DNAH11: variants seen among roughly 807,000 people sequenced by gnomAD.
DNAH11 encodes axonemal beta dynein heavy chain 11.
In DNAH11, 442 loss-of-function variants were observed where a neutral mutation model predicts 526.0. That is an observed-to-expected ratio of 0.84 (90% CI 0.78 to 0.91). The LOEUF (loss-of-function observed/expected upper bound fraction) is 0.91. Among genes scored for constraint, DNAH11 ranks in the 40% least tolerant of loss-of-function variants. DNAH11 has a pLI of 0.00. For missense variants in DNAH11, 6,989 were observed against 5,448.7 expected (o/e 1.28, Z -8.90); for synonymous variants, 2,461 against 1,935.9 (o/e 1.27, Z -7.12).
chr7:21,624,611 G>C (rs1230654659), intron 25 of DNAH11, among the ~76,000 whole-genome samples: 1 of 152,030 alleles, frequency 6.6e-6, no homozygotes, highest in African/African-American at 2.4e-5. Context: ...ATGAGAGTGG[G>C]CATCCTTATC....
chr7:21,643,594 A>G (rs1373281877), intron 28 of DNAH11, among the ~76,000 whole-genome samples: 1 of 152,198 alleles, frequency 6.6e-6, no homozygotes, highest in African/African-American at 2.4e-5. Flanking sequence ...TTTTATTGTA[A>G]TGAATTGCAA....
chr7:21,593,142 C>T (rs886557120), intron 14 of DNAH11, among the ~76,000 whole-genome samples: 2 of 152,124 alleles, frequency 1.3e-5, no homozygotes, highest in African/African-American at 2.4e-5. Flanking sequence ...AGAGGAAAAT[C>T]CCACAGAGGA....
intron 25 of DNAH11, among the ~76,000 whole-genome samples, chr7:21,630,633 C>G (rs1053298427): frequency 3.3e-5 from 5 of 152,164 alleles, no homozygotes; most frequent in African/African-American, 1.2e-4. Context: ...ACATTTAGCA[C>G]TTTGAAAATG....
Position 21,591,460 on chromosome 7 carries a change from TC to T in DNAH11, c.2553del (p.Arg852GlyfsTer25). 1 of 1,613,832 alleles carries T rather than the reference TC, an allele frequency of 6.2e-7. No individual in the cohort carries two copies. The highest frequency in any genetic ancestry group is 1.1e-5 in the South Asian group (1 of 91,060). On this transcript the variant is annotated frameshift_variant, in exon 14 of 82. Coordinates refer to ENST00000409508, the MANE Select transcript of DNAH11 (RefSeq NM_001277115.2). LOFTEE classifies it high-confidence loss of function. Reference protein sequence around the residue: ...MRGWARCVLPPRREHRREAAF... With the variant: ...MRGWARCVLPXRREHRREAAF... ...GGGGCTGGGCCAGGTGCGTGCTACC[TC>T]CCAGGAGAGAGCACAGACGAGAGGC...
intron 25 of DNAH11, among the ~76,000 whole-genome samples, chr7:21,620,885 G>C (rs190689788): frequency 0.01 from 1,548 of 151,914 alleles, 11 homozygotes; most frequent in Non-Finnish European, 0.016. Flanking sequence ...CCCTACAAAG[G>C]ACATGAACTC....
At chr7:21,721,273 A>C (rs1784865639) in intron 44 of DNAH11, among the ~76,000 whole-genome samples, 1 of 152,152 alleles carries the variant, frequency 6.6e-6, no homozygotes, top group South Asian at 2.1e-4. Flanking sequence ...AACGTGGAAG[A>C]CATCACTCTT....
At chr7:21,867,291 C>G (rs548170094) in intron 71 of DNAH11, among the ~76,000 whole-genome samples, 28 of 152,334 alleles carry the variant, frequency 1.8e-4, no homozygotes, top group African/African-American at 6.0e-4. Flanking sequence ...TCATGTGCCT[C>G]AGGTTTTTTC....
intron 73 of DNAH11, among the ~76,000 whole-genome samples, chr7:21,871,923 C>G (rs912953963): frequency 6.6e-6 from 1 of 151,660 alleles, no homozygotes; most frequent in Admixed American, 6.6e-5. Flanking sequence ...GAGATCGAGA[C>G]CATCCTGGCT....
chr7:21,713,799 G>T (rs554220690), intron 42 of DNAH11, among the ~76,000 whole-genome samples: 1 of 152,110 alleles, frequency 6.6e-6, no homozygotes, highest in Non-Finnish European at 1.5e-5. Context: ...AGGCTTTTGC[G>T]TTGACAGAGC....
At chr7:21,820,942 G>A (rs1790026286) in intron 65 of DNAH11, among the ~76,000 whole-genome samples, 2 of 152,300 alleles carry the variant, frequency 1.3e-5, no homozygotes, top group African/African-American at 4.8e-5. Flanking sequence ...CGTGGACCTA[G>A]AGTCAGAGTC....
At chr7:21,704,098 G>A (rs930297858) in intron 37 of DNAH11, among the ~76,000 whole-genome samples, 36 of 152,178 alleles carry the variant, frequency 2.4e-4, no homozygotes, top group Non-Finnish European at 1.3e-4. Flanking sequence ...ATGATCTGAT[G>A]GGCTTGATTA....
intron 46 of DNAH11, among the ~76,000 whole-genome samples, chr7:21,737,385 A>G (rs367830737): frequency 2.5e-4 from 38 of 152,200 alleles, no homozygotes; most frequent in Middle Eastern, 3.4e-3. Flanking sequence ...TAAAACTGGG[A>G]CAATCCCAGG....
At chr7:21,723,737 C>T (rs979484179) in intron 44 of DNAH11, among the ~76,000 whole-genome samples, 28 of 151,330 alleles carry the variant, frequency 1.9e-4, no homozygotes, top group African/African-American at 6.3e-4. Context: ...CCCACTCCCC[C>T]ACTCCCCCAC....
At chr7:21,808,899 C>T (rs995255162) in intron 63 of DNAH11, among the ~76,000 whole-genome samples, 15 of 152,114 alleles carry the variant, frequency 9.9e-5, no homozygotes, top group Non-Finnish European at 1.9e-4. Context: ...GATATATGCT[C>T]AGTAGCTAGA....
intron 30 of DNAH11, among the ~76,000 whole-genome samples, chr7:21,669,929 C>T (rs564259866): frequency 1.8e-4 from 28 of 152,046 alleles, no homozygotes; most frequent in African/African-American, 6.0e-4. Flanking sequence ...TCTTAATTAC[C>T]ATAGCTTTGT....
At chr7:21,561,324 A>G (rs1783451872) in intron 5 of DNAH11, 154 bp downstream of exon 5, 2 of 611,320 alleles carry the variant, frequency 3.3e-6, no homozygotes, top group Non-Finnish European at 5.7e-6. Context: ...CCTTTGTACT[A>G]TATTCTCCAC....
intron 2 of DNAH11, among the ~76,000 whole-genome samples, chr7:21,554,994 C>G (rs1402548314): frequency 2.0e-5 from 3 of 152,190 alleles, no homozygotes; most frequent in Admixed American, 2.0e-4. Flanking sequence ...TTCCTGTCCC[C>G]TATTTTGTGA....
At chr7:21,585,517 G>A (rs74972617) in intron 9 of DNAH11, among the ~76,000 whole-genome samples, 1 of 152,302 alleles carries the variant, frequency 6.6e-6, no homozygotes, top group South Asian at 2.1e-4. Context: ...CCGGAACTGA[G>A]CGCTATTCTA....
In DNAH11 at chr7:21,654,985, A is replaced by G. The variant is rs1231725600; in HGVS notation, c.4945-847A>G. On this transcript the variant is annotated intron_variant, in intron 28 of 81. Coordinates refer to ENST00000409508, the MANE Select transcript of DNAH11 (RefSeq NM_001277115.2). ...TTCTGGGGTTGCGGTTGGAGGCCAG[A>G]TAGATTTTGTTCTTCAAACTGACTT... is the stretch of plus-strand genomic sequence containing the variant. 2.0e-5 allele frequency among the ~76,000 whole-genome samples: 3 copies of G among 152,178 alleles called. No homozygotes were observed. In the East Asian group the frequency reaches 5.8e-4, roughly 29 times the overall value.
Sources: gnomAD v4.1 joint callset for allele counts (sites outside exome capture counted in the v4.1 genomes callset) on GRCh38, gnomAD v4.1.1 for gene constraint, MANE v1.5 for transcripts, NCBI Gene and HGNC (gene_info 2026-07-23, HGNC 2026-07-21) for gene names.